SPATA16: variants seen among roughly 807,000 people sequenced by gnomAD.
The protein encoded by SPATA16 is spermatogenesis associated 16.
A neutral mutation model predicts 63.3 loss-of-function variants in SPATA16; 36 were observed. The observed-to-expected ratio is 0.57, with a 90% CI of 0.44 to 0.75. The LOEUF (loss-of-function observed/expected upper bound fraction) is 0.75, where lower values mean the gene tolerates loss of function less well. Among genes scored for constraint, SPATA16 ranks in the 30% least tolerant of loss-of-function variants. The pLI, the probability that SPATA16 is intolerant of heterozygous loss-of-function variation, is 0.00. For synonymous variants in SPATA16, 203 were observed against 216.7 expected, an observed-to-expected ratio of 0.94 and a Z score of 0.56; for missense variants, 646 against 679.3, an observed-to-expected ratio of 0.95 and a Z score of 0.54.
intron 3 of SPATA16, among the ~76,000 whole-genome samples, chr3:173,027,242 A>C (rs1219879495): frequency 6.6e-6 from 1 of 151,892 alleles, no homozygotes. Flanking sequence ...AACATAATTG[A>C]TTTTTTACGT....
chr3:173,119,984 G>A (rs1465092612), intron 1 of SPATA16, among the ~76,000 whole-genome samples: 2 of 152,096 alleles, frequency 1.3e-5, no homozygotes, highest in Non-Finnish European at 2.9e-5. Context: ...TTACTCTGGA[G>A]GCTGAGGCAG....
intron 10 of SPATA16, among the ~76,000 whole-genome samples, chr3:172,902,309 T>C (rs1337735526): frequency 6.6e-6 from 1 of 152,194 alleles, no homozygotes; most frequent in Non-Finnish European, 1.5e-5. Context: ...CCCAAAGTGC[T>C]GGGATAACAG....
At chr3:173,061,127 C>A (rs1736369218) in intron 2 of SPATA16, among the ~76,000 whole-genome samples, 1 of 152,192 alleles carries the variant, frequency 6.6e-6, no homozygotes, top group South Asian at 2.1e-4. Flanking sequence ...TATTTCACCA[C>A]CTCTTCTTAT....
chr3:173,139,241 C>G (rs1408791438), intron 1 of SPATA16, among the ~76,000 whole-genome samples: 1 of 152,098 alleles, frequency 6.6e-6, no homozygotes, highest in Non-Finnish European at 1.5e-5. Context: ...AAAAATTAGA[C>G]AATTAGAAAA....
At position 172,919,826 on chromosome 3, in the gene SPATA16, C is replaced by T. The variant is rs183823553; in HGVS notation, c.1339-3345G>A. Among the ~76,000 whole-genome samples, 164 of 151,924 alleles carry T rather than the reference C, an allele frequency of 1.1e-3. 1 individual carries two copies. Among genetic ancestry groups the T allele is most frequent in the African/African-American group, 3.8e-3 (157 of 41,444 alleles). ...CTGAATAGCTGGGACTACAGGCATG[C>T]GCCACCACATCTGACTATTTTTTTG... On this transcript the variant is annotated intron_variant, in intron 8 of 10. Coordinates refer to ENST00000351008, the MANE Select transcript of SPATA16 (RefSeq NM_031955.6).
intron 4 of SPATA16, 72 bp from the exon 5 acceptor site, chr3:172,977,124 CTA>C: frequency 8.3e-7 from 1 of 1,204,832 alleles, no homozygotes; most frequent in Non-Finnish European, 1.2e-6. Flanking sequence ...ATAACAGGCA[CTA>C]TATACAAATA....
chr3:172,931,907 G>A (rs113889887), intron 6 of SPATA16, among the ~76,000 whole-genome samples: 4 of 152,134 alleles, frequency 2.6e-5, no homozygotes, highest in African/African-American at 9.7e-5. Flanking sequence ...TAGTTTTATA[G>A]TTGGCTTGCT....
At chr3:173,101,462 T>G (rs1215290117) in intron 2 of SPATA16, among the ~76,000 whole-genome samples, 1 of 152,228 alleles carries the variant, frequency 6.6e-6, no homozygotes, top group African/African-American at 2.4e-5. Context: ...ATGGAGGTTT[T>G]TGTCTTTCCT....
At chr3:173,106,612 C>T (rs1737628006) in intron 2 of SPATA16, among the ~76,000 whole-genome samples, 1 of 152,148 alleles carries the variant, frequency 6.6e-6, no homozygotes, top group African/African-American at 2.4e-5. Flanking sequence ...CCTTCAACAC[C>T]AATTCCAATG....
intron 4 of SPATA16, among the ~76,000 whole-genome samples, chr3:172,978,041 T>A (rs781646283): frequency 5.0e-4 from 76 of 152,214 alleles, no homozygotes; most frequent in Middle Eastern, 3.4e-3. Context: ...ATGTTTAGAT[T>A]CTTCTTCAGG....
At chr3:172,902,658 G>T (rs1488175133) in intron 10 of SPATA16, among the ~76,000 whole-genome samples, 2 of 152,056 alleles carry the variant, frequency 1.3e-5, no homozygotes, top group African/African-American at 4.8e-5. Context: ...CTAAGTTAGG[G>T]TCTCTCCAAC....
In SPATA16 at chr3:173,117,295, G is replaced by T. The variant is rs1185833910; in HGVS notation, c.437C>A (p.Thr146Asn). The T allele has an allele frequency of 6.2e-7, 1 of 1,614,144 alleles. No individual in the cohort carries two copies. Among genetic ancestry groups the T allele is most frequent in the South Asian group, 1.1e-5 (1 of 91,076 alleles). ...RYEFVESFMS[T>N]GSQPTCQAAE... ...AGCTTGGCATGTTGGCTGACTCCCAGTAGACATGAAGGACTCTACAAACTC... is the reference window on the plus strand; with the variant it reads ...AGCTTGGCATGTTGGCTGACTCCCATTAGACATGAAGGACTCTACAAACTC... Residue 146 changes from threonine (T) to asparagine (N), a missense_variant, in exon 2 of 11, where the codon ACT (threonine) becomes AAT (asparagine). By Grantham distance (65) the Thr-to-Asn change is moderately conservative. Transcript: ENST00000351008.
chr3:173,120,737 T>C (rs1043085885), intron 1 of SPATA16, among the ~76,000 whole-genome samples: 4 of 152,264 alleles, frequency 2.6e-5, no homozygotes, highest in South Asian at 4.1e-4. Flanking sequence ...CCCATGCTCC[T>C]TTCCTCTGCC....
At chr3:173,104,177 A>G (rs954484667) in intron 2 of SPATA16, among the ~76,000 whole-genome samples, 2 of 152,134 alleles carry the variant, frequency 1.3e-5, no homozygotes, top group Admixed American at 6.5e-5. Flanking sequence ...ATCACTATTA[A>G]CATTTTGGTT....
intron 2 of SPATA16, among the ~76,000 whole-genome samples, chr3:173,095,023 A>G (rs758755721): frequency 6.6e-6 from 1 of 152,144 alleles, no homozygotes; most frequent in African/African-American, 2.4e-5. Flanking sequence ...CTAAATAGGC[A>G]TTGTTATATA....
chr3:173,124,893 T>G (rs1424282529), intron 1 of SPATA16, among the ~76,000 whole-genome samples: 2 of 152,034 alleles, frequency 1.3e-5, no homozygotes, highest in Non-Finnish European at 2.9e-5. Context: ...CTCAGGTGAT[T>G]TTGTCCAGTT....
chr3:173,029,160 A>G (rs1003314994), intron 3 of SPATA16, among the ~76,000 whole-genome samples: 7 of 152,184 alleles, frequency 4.6e-5, no homozygotes, highest in Non-Finnish European at 1.0e-4. Flanking sequence ...TTAGAATGCC[A>G]TCTGTCAGGA....
chr3:173,009,646 C>CA (rs1324931554), intron 4 of SPATA16, among the ~76,000 whole-genome samples: 2 of 152,242 alleles, frequency 1.3e-5, no homozygotes, highest in Non-Finnish European at 1.5e-5. Flanking sequence ...GAGCAGACTA[C>CA]AGACCGCACC....
chr3:172,923,619 A>C (rs138567528), intron 8 of SPATA16, among the ~76,000 whole-genome samples: 7 of 152,342 alleles, frequency 4.6e-5, no homozygotes, highest in African/African-American at 1.2e-4. Flanking sequence ...CAATGGCTTA[A>C]ATTTTGTAAA....
Sources: gnomAD v4.1 joint callset for allele counts (sites outside exome capture counted in the v4.1 genomes callset) on GRCh38, gnomAD v4.1.1 for gene constraint, MANE v1.5 for transcripts, NCBI Gene and HGNC (gene_info 2026-07-23, HGNC 2026-07-21) for gene names.